The following SEMA5A variants were observed in gnomAD, a reference collection of about 807,000 sequenced individuals.
The protein encoded by SEMA5A is semaphorin 5A, also known as semaphorin-5A.
In SEMA5A, 55 loss-of-function variants were observed where a neutral mutation model predicts 135.5. The observed-to-expected ratio is 0.41, with a 90% CI of 0.33 to 0.51. The LOEUF (loss-of-function observed/expected upper bound fraction) is 0.51, where lower values mean the gene tolerates loss of function less well. Among genes scored for constraint, SEMA5A ranks in the 20% least tolerant of loss-of-function variants. SEMA5A has a pLI of 0.37. For synonymous variants in SEMA5A, 580 were observed against 546.5 expected, an observed-to-expected ratio of 1.06 and a Z score of -0.85; for missense variants, 1,290 against 1,419.9, an observed-to-expected ratio of 0.91 and a Z score of 1.47.
At position 9,166,068 on chromosome 5, in the gene SEMA5A, G is replaced by A. The variant is rs867044041; in HGVS notation, c.1274-11373C>T. On this transcript the variant is annotated intron_variant, in intron 11 of 22. Transcript: ENST00000382496. ...AATGGCTTATTTTTTCCCTGAAAAG[G>A]ATAGTCAGTCGGTTTAAACTTTCCT... 2.6e-5 allele frequency among the ~76,000 whole-genome samples: 4 copies of A among 152,248 alleles called. No individual in the cohort carries two copies. The South Asian group carries it at 6.2e-4, about 24-fold the overall frequency.
rs141642748 is a variant in SEMA5A, at chr5:9,309,159, T to C, written c.270+9213A>G. On this transcript the variant is annotated intron_variant, in intron 5 of 22. Transcript: ENST00000382496. ...TTCTTCCTGGCTGTCCTCTCCAAAATGTACTATAGAGAAAATTGAGGTAAA... is the reference window on the plus strand; with the variant it reads ...TTCTTCCTGGCTGTCCTCTCCAAAACGTACTATAGAGAAAATTGAGGTAAA... Among the ~76,000 whole-genome samples the C allele has an allele frequency of 7.2e-5, 11 of 152,206 alleles. No individual in the cohort carries two copies. In the East Asian group the frequency reaches 2.1e-3, roughly 29 times the overall value.
chr5:9,331,378 G>C (rs916990), intron 4 of SEMA5A, among the ~76,000 whole-genome samples: 1 of 152,088 alleles, frequency 6.6e-6, no homozygotes, highest in Admixed American at 6.6e-5. Context: ...TATTTTATGC[G>C]TCTCATAAGA....
At chr5:9,302,017 A>G (rs1751633925) in intron 5 of SEMA5A, among the ~76,000 whole-genome samples, 1 of 152,058 alleles carries the variant, frequency 6.6e-6, no homozygotes, top group Non-Finnish European at 1.5e-5. Flanking sequence ...CCTTAGCTGT[A>G]GTTGCATCAC....
intron 5 of SEMA5A, among the ~76,000 whole-genome samples, chr5:9,264,208 ATTT>A (rs1749556055): frequency 6.6e-6 from 1 of 152,202 alleles, no homozygotes; most frequent in Non-Finnish European, 1.5e-5. Flanking sequence ...ATTTAAGAAC[ATTT>A]TACATTTGCC....
intron 16 of SEMA5A, among the ~76,000 whole-genome samples, chr5:9,083,250 T>C (rs1738487839): frequency 6.6e-6 from 1 of 152,176 alleles, no homozygotes. Flanking sequence ...CTTTGGAAAA[T>C]ATGAATGTGT....
At chr5:9,408,812 AT>A (rs1756996969) in intron 2 of SEMA5A, among the ~76,000 whole-genome samples, 1 of 151,954 alleles carries the variant, frequency 6.6e-6, no homozygotes, top group African/African-American at 2.4e-5. Context: ...ACTGAAAACA[AT>A]TTCAAAACAA....
chr5:9,353,051 A>AAAGG (rs1754199870), intron 3 of SEMA5A, among the ~76,000 whole-genome samples: 3 of 119,192 alleles, frequency 2.5e-5, no homozygotes, highest in African/African-American at 1.0e-4. Context: ...AGAAGGAAGG[A>AAAGG]AAGGAAAGGA....
intron 1 of SEMA5A, among the ~76,000 whole-genome samples, chr5:9,512,224 A>T (rs1736246017): frequency 6.6e-6 from 1 of 152,278 alleles, no homozygotes; most frequent in Admixed American, 6.5e-5. Context: ...TACATAAAAA[A>T]GCGTGCTAAA....
chr5:9,141,582 T>A (rs929388013), intron 12 of SEMA5A, among the ~76,000 whole-genome samples: 1 of 152,142 alleles, frequency 6.6e-6, no homozygotes, highest in Non-Finnish European at 1.5e-5. Flanking sequence ...AACACACTTA[T>A]TGAGGGTATT....
At chr5:9,346,158 T>TG (rs923108548) in intron 3 of SEMA5A, among the ~76,000 whole-genome samples, 1 of 152,132 alleles carries the variant, frequency 6.6e-6, no homozygotes, top group Admixed American at 6.5e-5. Context: ...CTGGACATTG[T>TG]GGACTATGGC....
At chr5:9,255,857 G>A (rs1036988835) in intron 5 of SEMA5A, among the ~76,000 whole-genome samples, 3 of 152,062 alleles carry the variant, frequency 2.0e-5, no homozygotes, top group Non-Finnish European at 2.9e-5. Flanking sequence ...CATCTCAAAC[G>A]TAATACATGT....
chr5:9,105,046 C>A (rs182911087), intron 16 of SEMA5A, among the ~76,000 whole-genome samples: 2 of 152,298 alleles, frequency 1.3e-5, no homozygotes, highest in Admixed American at 1.3e-4. Context: ...AAGACAGAAG[C>A]CCAGAGGGCA....
At chr5:9,147,863 TAG>T (rs1377444134) in intron 12 of SEMA5A, among the ~76,000 whole-genome samples, 1 of 152,184 alleles carries the variant, frequency 6.6e-6, no homozygotes, top group Non-Finnish European at 1.5e-5. Flanking sequence ...TGAAGTAAAT[TAG>T]CAGATAAGGG....
At chr5:9,174,073 C>T (rs1476226838) in intron 11 of SEMA5A, among the ~76,000 whole-genome samples, 2 of 152,158 alleles carry the variant, frequency 1.3e-5, no homozygotes, top group Non-Finnish European at 1.5e-5. Context: ...TGTTTTGAAA[C>T]AACCAAAATA....
chr5:9,477,071 C>T (rs966572537), intron 1 of SEMA5A, among the ~76,000 whole-genome samples: 1 of 152,116 alleles, frequency 6.6e-6, no homozygotes, highest in Non-Finnish European at 1.5e-5. Flanking sequence ...ATGCTGTTCT[C>T]ATGATATAAT....
chr5:9,412,661 C>G (rs1757145830), intron 2 of SEMA5A, among the ~76,000 whole-genome samples: 1 of 150,900 alleles, frequency 6.6e-6, no homozygotes. Context: ...GGATAGAACC[C>G]AAGTCTAATC....
chr5:9,099,626 G>A (rs1739513521), intron 16 of SEMA5A, among the ~76,000 whole-genome samples: 2 of 152,288 alleles, frequency 1.3e-5, no homozygotes, highest in South Asian at 4.1e-4. Context: ...TATTAAGGAG[G>A]GACATGTCTT....
chr5:9,327,616 T>C (rs917015605), intron 4 of SEMA5A, among the ~76,000 whole-genome samples: 2 of 152,198 alleles, frequency 1.3e-5, no homozygotes, highest in Non-Finnish European at 2.9e-5. Context: ...TACATTTTAA[T>C]GGCATGCAGT....
chr5:9,213,143 C>A (rs1176047065), intron 8 of SEMA5A, among the ~76,000 whole-genome samples: 4 of 152,184 alleles, frequency 2.6e-5, no homozygotes, highest in African/African-American at 7.2e-5. Flanking sequence ...ACCTTTATGA[C>A]CTAATCAGCT....
Sources: gnomAD v4.1 joint callset for allele counts (sites outside exome capture counted in the v4.1 genomes callset) on GRCh38, gnomAD v4.1.1 for gene constraint, MANE v1.5 for transcripts, NCBI Gene and HGNC (gene_info 2026-07-23, HGNC 2026-07-21) for gene names.